Variants in ZMYM2 observed in about 807,000 individuals in gnomAD.
ZMYM2 encodes zinc finger MYM-type protein 2.
A neutral mutation model predicts 162.8 loss-of-function variants in ZMYM2; 56 were observed. The ratio of observed to expected loss-of-function variants is 0.34; its 90% confidence interval spans 0.28 to 0.43. The LOEUF is 0.43. Among genes scored for constraint, ZMYM2 ranks in the 20% least tolerant of loss-of-function variants. ZMYM2 has a pLI of 1.00. For synonymous variants in ZMYM2, 510 were observed against 541.6 expected (o/e 0.94, Z 0.81); for missense variants, 1,275 against 1,621.8 (o/e 0.79, Z 3.67).
chr13:19,889,126 A>C, the ZMYM2 span, among the ~76,000 whole-genome samples: 1 of 151,798 alleles, frequency 6.6e-6, no homozygotes, highest in Non-Finnish European at 1.5e-5. Context: ...AAAACTACTT[A>C]AATCCTCAAC....
At chr13:20,010,063 C>T (rs1951047558) in intron 6 of ZMYM2, among the ~76,000 whole-genome samples, 1 of 152,182 alleles carries the variant, frequency 6.6e-6, no homozygotes, top group African/African-American at 2.4e-5. Context: ...TCTTTGCCAA[C>T]ACTTGTTATT....
At chr13:20,013,345 A>G (rs1047516719) in intron 6 of ZMYM2, among the ~76,000 whole-genome samples, 6 of 152,164 alleles carry the variant, frequency 3.9e-5, no homozygotes, top group African/African-American at 7.2e-5. Context: ...TACTAGCTTT[A>G]TGAGTTTCTT....
chr13:19,964,112 C>G (rs1048220458), intron 2 of ZMYM2, among the ~76,000 whole-genome samples: 3 of 152,162 alleles, frequency 2.0e-5, no homozygotes, highest in South Asian at 2.1e-4. Flanking sequence ...GGCTCAGTGG[C>G]TCACGCCTGT....
the ZMYM2 span, among the ~76,000 whole-genome samples, chr13:19,881,803 G>A: frequency 6.6e-6 from 1 of 151,406 alleles, no homozygotes; most frequent in Non-Finnish European, 1.5e-5. Flanking sequence ...TGGCCACCAC[G>A]GTGAAACCCC....
intron 17 of ZMYM2, among the ~76,000 whole-genome samples, chr13:20,061,596 G>T (rs535974645): frequency 4.2e-5 from 6 of 143,836 alleles, no homozygotes; most frequent in East Asian, 2.0e-4. Context: ...GTTTTGTTTT[G>T]TTTTTTTTTT....
intron 2 of ZMYM2, among the ~76,000 whole-genome samples, chr13:19,963,571 A>G (rs1345584831): frequency 2.6e-5 from 4 of 152,180 alleles, no homozygotes; most frequent in African/African-American, 9.7e-5. Flanking sequence ...GGTTTTTTAA[A>G]CAAATCACTT....
rs753289816 is a variant in ZMYM2, at chr13:19,993,762, C to T, written c.690C>T (p.Asn230=). Residue 230 remains asparagine (N), a synonymous_variant, in exon 3 of 25, where the codon AAC becomes AAT. Transcript: ENST00000610343. ...LQNTNLGDVS[N]GLQSSNFGVN... ...ATACCAACTTGGGAGATGTCTCTAA[C>T]GGACTGCAGTCAAGTAATTTTGGTG... 2.7e-5 allele frequency: 43 copies of T among 1,613,998 alleles called. No individual in the cohort carries two copies. The highest frequency in any genetic ancestry group is 3.2e-5 in the Non-Finnish European group (38 of 1,180,006).
In ZMYM2 at chr13:20,046,611, A is replaced by G. The variant is rs61952381; in HGVS notation, c.2293-4822A>G. The stretch of plus-strand genomic sequence containing the variant: ...TGTGTGTGTGTGTGTGTGTGTGTAT[A>G]TATATGTGTATATATATGTGTATAT... On this transcript the variant is annotated intron_variant, in intron 12 of 24. Coordinates refer to ENST00000610343, the MANE Select transcript of ZMYM2 (RefSeq NM_197968.4). Among the ~76,000 whole-genome samples the G allele has an allele frequency of 2.6e-3, 245 of 96,072 alleles. 1 individual carries two copies. The Middle Eastern group carries it at 0.027, about 11-fold the overall frequency. The allele number at this position is 96,072 out of a possible 152,430, so 63.0% of individuals were successfully genotyped here. A position where few individuals can be genotyped will look rare whatever the true frequency, so the allele number is the denominator to read the frequency against.
In ZMYM2 at chr13:20,088,543, T is replaced by C. The variant is rs1225491483; in HGVS notation, c.*2529T>C. 3.5e-5 allele frequency: 7 copies of C among 198,642 alleles called. No individual in the cohort carries two copies. In the East Asian group the frequency reaches 5.5e-4, roughly 16 times the overall value. 12.3% of individuals were successfully genotyped at this position (198,642 alleles called of 1,614,324 possible). A position where few individuals can be genotyped will look rare whatever the true frequency, so the allele number is the denominator to read the frequency against. ...AAGTGGATTTCCCATGCAAATTGAA[T>C]CTTCATTAACACATTTTAAAAGGCT... On this transcript the variant is annotated 3_prime_UTR_variant, in exon 25 of 25. Coordinates refer to ENST00000610343, the MANE Select transcript of ZMYM2 (RefSeq NM_197968.4).
At chr13:19,918,399 C>T in the ZMYM2 span, among the ~76,000 whole-genome samples, 669 of 151,522 alleles carry the variant, frequency 4.4e-3, 11 homozygotes, top group South Asian at 0.042. Context: ...GAGCCGAGAT[C>T]GCACCACTGC....
the ZMYM2 span, among the ~76,000 whole-genome samples, chr13:19,945,637 T>G: frequency 6.6e-6 from 1 of 152,202 alleles, no homozygotes; most frequent in Non-Finnish European, 1.5e-5. Context: ...CTATCATTCT[T>G]GAAGATTAGC....
rs1342642084 is a variant in ZMYM2, at chr13:20,064,454, C to G, written c.3041C>G (p.Ala1014Gly). 6.3e-7 allele frequency: 1 copy of G among 1,590,776 alleles called. No homozygotes were observed. The highest frequency in any genetic ancestry group is 8.6e-7 in the Non-Finnish European group (1 of 1,167,902). Residue 1014 changes from alanine to glycine, a missense_variant, in exon 19 of 25, where the codon GCT becomes GGT. By Grantham distance (60) the Ala-to-Gly change is moderately conservative. Transcript: ENST00000610343. ...LDIEIDFPRA[A>G]EELDMENEFL... ...AAAGTTCTGATTTGGTTGTCAGCTG[C>G]TGAGGAGCTTGATATGGAAAATGAA... is the stretch of plus-strand genomic sequence containing the variant.
Position 20,006,378 on chromosome 13 carries a change from G to A in ZMYM2, c.1304G>A (p.Arg435His). ...CTICGKLTEI[R>H]HEVSFKNMTH... ...TTTTGTTTATTTTTCTTTTAGATTC[G>A]CCATGAAGTCAGCTTTAAAAATATG... Residue 435 changes from arginine (R) to histidine (H), a missense_variant, in exon 6 of 25, where the codon CGC (arginine) becomes CAC (histidine). By Grantham distance (29) the Arg-to-His change is conservative. This residue lies in a region of ZMYM2 where 276 missense variants were observed against 311.8 expected (regional missense o/e 0.89). Transcript: ENST00000610343. 2 of 1,573,930 alleles carry A rather than the reference G, an allele frequency of 1.3e-6. No individual in the cohort carries two copies. The highest frequency in any genetic ancestry group is 8.6e-7 in the Non-Finnish European group (1 of 1,158,678).
At chr13:19,965,855 C>T (rs1198504402) in intron 2 of ZMYM2, among the ~76,000 whole-genome samples, 1 of 144,172 alleles carries the variant, frequency 6.9e-6, no homozygotes, top group African/African-American at 2.6e-5. Context: ...CTCACTGCAA[C>T]CTCCGCCTCC....
At chr13:19,900,867 A>G in the ZMYM2 span, among the ~76,000 whole-genome samples, 1 of 152,152 alleles carries the variant, frequency 6.6e-6, no homozygotes, top group African/African-American at 2.4e-5. Context: ...CCCCGTCTCC[A>G]CTAAAAATAC....
chr13:19,886,229 A>G, the ZMYM2 span, among the ~76,000 whole-genome samples: 1 of 143,366 alleles, frequency 7.0e-6, no homozygotes, highest in Non-Finnish European at 1.5e-5. Flanking sequence ...CGATGGCGCA[A>G]TCTCGGCTCA....
chr13:19,925,399 C>A, the ZMYM2 span, among the ~76,000 whole-genome samples: 1 of 151,966 alleles, frequency 6.6e-6, no homozygotes, highest in African/African-American at 2.4e-5. Context: ...TTTTAATATG[C>A]TTTTTTCCCT....
Position 19,993,452 on chromosome 13 carries a change from C to T in ZMYM2, c.380C>T (p.Thr127Ile), listed in dbSNP as rs748916770. 3.1e-6 allele frequency: 5 copies of T among 1,613,912 alleles called. No homozygotes were observed. The highest frequency in any genetic ancestry group is 3.4e-6 in the Non-Finnish European group (4 of 1,179,912). ...ATTGATGATGAAGAGGACATGGAAA[C>T]AAATCAAGGGCAAGAGAAAAATTCC... ...IVIDDEEDMETNQGQEKNSSN... is the reference protein window; with the variant it reads ...IVIDDEEDMEINQGQEKNSSN... The change falls in exon 3 of 25, where the codon ACA (threonine) becomes ATA (isoleucine). Residue 127 changes from threonine to isoleucine, a missense_variant. Transcript: ENST00000610343.
the ZMYM2 span, among the ~76,000 whole-genome samples, chr13:19,937,662 T>A: frequency 4.2e-4 from 64 of 151,376 alleles, 1 homozygote; most frequent in Admixed American, 7.2e-4. Flanking sequence ...TTATACTTTA[T>A]GTTTTAAGGT....
Sources: gnomAD v4.1 joint callset for allele counts (sites outside exome capture counted in the v4.1 genomes callset) on GRCh38, gnomAD v4.1.1 for gene constraint, gnomAD v4.1.1 regional missense constraint, MANE v1.5 for transcripts, NCBI Gene and HGNC (gene_info 2026-07-23, HGNC 2026-07-21) for gene names.